The following ARHGEF10 variants were observed in gnomAD, a reference collection of about 807,000 sequenced individuals.
ARHGEF10 encodes Rho guanine nucleotide exchange factor 10.
A neutral mutation model predicts 147.4 loss-of-function variants in ARHGEF10; 140 were observed. That is an observed-to-expected ratio of 0.95 (90% CI 0.83 to 1.09). The LOEUF (loss-of-function observed/expected upper bound fraction) is 1.09. Ranked by LOEUF, ARHGEF10 falls within the 50% of genes least tolerant of loss-of-function variation. ARHGEF10 has a pLI of 0.00. For synonymous variants in ARHGEF10, 902 were observed against 695.8 expected, an observed-to-expected ratio of 1.30 and a Z score of -4.67; for missense variants, 2,222 against 1,752.7, an observed-to-expected ratio of 1.27 and a Z score of -4.78.
intron 7 of ARHGEF10, among the ~76,000 whole-genome samples, chr8:1,874,655 CA>C (rs1807494361): frequency 4.6e-5 from 7 of 151,792 alleles, no homozygotes; most frequent in African/African-American, 1.2e-4. Flanking sequence ...TGCAGACACA[CA>C]CCAGGGTGTG....
intron 6 of ARHGEF10, among the ~76,000 whole-genome samples, 197 bp downstream of exon 6, chr8:1,866,799 C>T (rs1440781220): frequency 6.6e-6 from 1 of 152,228 alleles, no homozygotes; most frequent in Non-Finnish European, 1.5e-5. Context: ...CCCGTGAGGC[C>T]ACCCCAGCTC....
chr8:1,940,724 G>A (rs965969052), intron 26 of ARHGEF10, among the ~76,000 whole-genome samples: 5 of 152,136 alleles, frequency 3.3e-5, no homozygotes, highest in African/African-American at 4.8e-5. Flanking sequence ...AATCCTCAAC[G>A]GAAGACTTGC....
chr8:1,914,844 C>T (rs1227098349), intron 18 of ARHGEF10, among the ~76,000 whole-genome samples: 6 of 152,196 alleles, frequency 3.9e-5, no homozygotes, highest in Middle Eastern at 3.2e-3. Context: ...TGAACGAGTA[C>T]TGAGAGCAAA....
intron 2 of ARHGEF10, among the ~76,000 whole-genome samples, chr8:1,857,425 T>G (rs1189382485): frequency 6.7e-6 from 1 of 150,106 alleles, no homozygotes; most frequent in Non-Finnish European, 1.5e-5. Context: ...TTCTTTTCTT[T>G]TTTTTTTTTT....
intron 1 of ARHGEF10, among the ~76,000 whole-genome samples, chr8:1,832,248 GCGC>G (rs1239550282): frequency 6.6e-6 from 1 of 152,170 alleles, no homozygotes; most frequent in East Asian, 1.9e-4. Flanking sequence ...TGGGCGGGGG[GCGC>G]GTTGTGTCCA....
chr8:1,861,701 G>A (rs1053444584), intron 4 of ARHGEF10, among the ~76,000 whole-genome samples: 1 of 152,100 alleles, frequency 6.6e-6, no homozygotes, highest in Non-Finnish European at 1.5e-5. Context: ...CAGAATAGAC[G>A]GCCTCCTGTG....
intron 28 of ARHGEF10, among the ~76,000 whole-genome samples, chr8:1,955,465 A>G (rs1262864469): frequency 6.9e-6 from 1 of 145,580 alleles, no homozygotes. Context: ...CTGGATGGGT[A>G]GCTAGGAGCA....
chr8:1,910,031 T>A (rs1811243775), intron 18 of ARHGEF10, among the ~76,000 whole-genome samples: 1 of 152,198 alleles, frequency 6.6e-6, no homozygotes, highest in South Asian at 2.1e-4. Context: ...TATTATTACC[T>A]AACATTGTTC....
chr8:1,862,428 G>A (rs1187769999), intron 4 of ARHGEF10, among the ~76,000 whole-genome samples: 2 of 152,266 alleles, frequency 1.3e-5, no homozygotes, highest in Admixed American at 6.5e-5. Context: ...TCTTGTTTAC[G>A]CACGGGCTGT....
At chr8:1,894,013 A>T (rs962617853) in intron 12 of ARHGEF10, among the ~76,000 whole-genome samples, 3 of 151,928 alleles carry the variant, frequency 2.0e-5, no homozygotes, top group African/African-American at 7.3e-5. Flanking sequence ...ATCTCTACTA[A>T]AATACAAAAT....
chr8:1,887,575 C>G (rs985402444), intron 11 of ARHGEF10, among the ~76,000 whole-genome samples: 1 of 142,960 alleles, frequency 7.0e-6, no homozygotes, highest in Non-Finnish European at 1.5e-5. Flanking sequence ...TGTGAGGAGA[C>G]TGAGTGAGGT....
Position 1,887,201 on chromosome 8 carries a change from C to T in ARHGEF10, c.1182+1494C>T, listed in dbSNP as rs914908281. On this transcript the variant is annotated intron_variant, in intron 11 of 28. Transcript: ENST00000349830. ...TGAGAACTTACTGTAGCGATGAAGC[C>T]GAAAACCAAAAATAGCAAAAGAAGG... Among the ~76,000 whole-genome samples the T allele has an allele frequency of 7.2e-5, 11 of 152,090 alleles. 1 individual carries two copies. The highest frequency in any genetic ancestry group is 1.3e-4 in the Non-Finnish European group (9 of 68,046).
In ARHGEF10 at chr8:1,842,276, G is replaced by A; in HGVS notation, c.-47-1077G>A. The stretch of plus-strand genomic sequence containing the variant: ...CTGAGGTTGGGGGCAGGGTCCCACT[G>A]CCATCCTCATTGGAAAGTAGTGTCT... On this transcript the variant is annotated intron_variant, in intron 1 of 28. Coordinates refer to ENST00000349830, the MANE Select transcript of ARHGEF10 (RefSeq NM_014629.4). Among the ~76,000 whole-genome samples, 2 of 152,072 alleles carry A rather than the reference G, an allele frequency of 1.3e-5. 1 individual carries two copies. Among genetic ancestry groups the A allele is most frequent in the Non-Finnish European group, 2.9e-5 (2 of 68,004 alleles).
intron 7 of ARHGEF10, chr8:1,876,297 A>G (rs1807692186): frequency 1.9e-6 from 1 of 521,470 alleles, no homozygotes; most frequent in Admixed American, 3.2e-5. Flanking sequence ...GCGGATGCCC[A>G]TAGCCAGGTG....
intron 28 of ARHGEF10, among the ~76,000 whole-genome samples, chr8:1,954,412 G>C (rs1044932040): frequency 6.6e-6 from 1 of 151,984 alleles, no homozygotes; most frequent in African/African-American, 2.4e-5. Context: ...GAGGAATTCA[G>C]ATTTTGGATT....
At chr8:1,831,203 G>A (rs1024242309) in intron 1 of ARHGEF10, among the ~76,000 whole-genome samples, 1 of 152,110 alleles carries the variant, frequency 6.6e-6, no homozygotes, top group Non-Finnish European at 1.5e-5. Context: ...CATCCATGGA[G>A]GGACAGTGTG....
chr8:1,872,714 G>C (rs924274931), intron 7 of ARHGEF10, among the ~76,000 whole-genome samples: 2 of 152,206 alleles, frequency 1.3e-5, no homozygotes, highest in African/African-American at 4.8e-5. Context: ...TCACTTAGCT[G>C]AATTAAGGAC....
At chr8:1,925,204 G>A in intron 21 of ARHGEF10, 79 bp from the exon 22 acceptor site, 1 of 1,588,516 alleles carries the variant, frequency 6.3e-7, no homozygotes, top group Non-Finnish European at 8.6e-7. Context: ...AACTTCCCCT[G>A]CTATGACCTG....
intron 27 of ARHGEF10, among the ~76,000 whole-genome samples, chr8:1,951,924 G>GTGAGGCGGGGTCTTCCCTGTAACCACCA (rs1351585427): frequency 9.2e-5 from 14 of 152,234 alleles, no homozygotes; most frequent in African/African-American, 2.2e-4. Flanking sequence ...TGTAGCCACC[G>GTGAGGCGGGGTCTTCCCTGTAACCACCA]TGAGGCGGGG....
Sources: gnomAD v4.1 joint callset for allele counts (sites outside exome capture counted in the v4.1 genomes callset) on GRCh38, gnomAD v4.1.1 for gene constraint, MANE v1.5 for transcripts, NCBI Gene and HGNC (gene_info 2026-07-23, HGNC 2026-07-21) for gene names.